RABL6: variants seen among roughly 807,000 people sequenced by gnomAD.
The protein encoded by RABL6 is rab-like protein 6.
A neutral mutation model predicts 72.9 loss-of-function variants in RABL6; 28 were observed. The observed-to-expected ratio is 0.38, with a 90% confidence interval of 0.28 to 0.53. The LOEUF (loss-of-function observed/expected upper bound fraction) is 0.53, where lower values mean the gene tolerates loss of function less well. RABL6 is among the 20% of genes least tolerant of loss of function. The pLI is 0.80. For synonymous variants in RABL6, 477 were observed against 421.2 expected (o/e 1.13, Z -1.62); for missense variants, 1,029 against 1,008.4 (o/e 1.02, Z -0.28).
chr9:136,828,402 T>G, intron 3 of RABL6, 92 bp from the exon 4 acceptor site: 1 of 1,316,500 alleles, frequency 7.6e-7, no homozygotes, highest in South Asian at 1.2e-5. Flanking sequence ...CCGCTGGAGC[T>G]GGGGGCTGAG....
intron 1 of RABL6, among the ~76,000 whole-genome samples, chr9:136,818,247 C>T (rs982291880): frequency 3.3e-5 from 5 of 150,254 alleles, no homozygotes; most frequent in Admixed American, 2.7e-4. Context: ...CCTGTAGTCC[C>T]AGCTACTTAG....
At chr9:136,835,622 C>G in intron 7 of RABL6, 120 bp from the exon 8 acceptor site, 1 of 828,236 alleles carries the variant, frequency 1.2e-6, no homozygotes, top group Non-Finnish European at 1.9e-6. Context: ...AGCAGCCAGC[C>G]CTGCAGCATC....
intron 3 of RABL6, 54 bp from the exon 4 acceptor site, chr9:136,828,440 A>G (rs767339479): frequency 6.3e-7 from 1 of 1,590,320 alleles, no homozygotes; most frequent in Non-Finnish European, 8.6e-7. Flanking sequence ...TGCTCCTCCT[A>G]TGGCCCAAGG....
At chr9:136,821,942 G>A in intron 1 of RABL6, 7 of 1,288,874 alleles carry the variant, frequency 5.4e-6, no homozygotes, top group Non-Finnish European at 7.1e-6. Flanking sequence ...TTTTGCCGCA[G>A]CGCTGGCCGG....
chr9:136,817,430 G>A (rs1416842086), intron 1 of RABL6, among the ~76,000 whole-genome samples: 8 of 152,164 alleles, frequency 5.3e-5, no homozygotes, highest in Admixed American at 4.6e-4. Flanking sequence ...AGAACAAAAA[G>A]ACTTCCCTGA....
chr9:136,831,436 G>A (rs774757023), intron 5 of RABL6, among the ~76,000 whole-genome samples: 1 of 152,186 alleles, frequency 6.6e-6, no homozygotes, highest in Non-Finnish European at 1.5e-5. Flanking sequence ...GCGGACATGG[G>A]GTGCTCTGAG....
At chr9:136,830,256 T>C (rs1040801482) in intron 5 of RABL6, among the ~76,000 whole-genome samples, 1 of 152,336 alleles carries the variant, frequency 6.6e-6, no homozygotes, top group South Asian at 2.1e-4. Flanking sequence ...GGGTTAAGCG[T>C]ACCGCCTGTC....
chr9:136,819,340 AAAAG>A (rs1263470548), intron 1 of RABL6, among the ~76,000 whole-genome samples: 92 of 151,714 alleles, frequency 6.1e-4, no homozygotes, highest in Non-Finnish European at 9.3e-4. Flanking sequence ...AAAAAAAAAA[AAAAG>A]AAAACCACCT....
chr9:136,811,174 G>A (rs1337865446), intron 1 of RABL6, among the ~76,000 whole-genome samples: 1 of 152,190 alleles, frequency 6.6e-6, no homozygotes, highest in Non-Finnish European at 1.5e-5. Flanking sequence ...TGACCCTGAG[G>A]ACATGTGCCC....
intron 8 of RABL6, chr9:136,836,978 A>G (rs1317142834): frequency 7.9e-6 from 3 of 380,448 alleles, no homozygotes; most frequent in African/African-American, 2.1e-5. Flanking sequence ...GGTTCACGCC[A>G]TTCTCCTGCC....
chr9:136,822,879 G>C (rs1010439374), intron 1 of RABL6, among the ~76,000 whole-genome samples: 3 of 152,306 alleles, frequency 2.0e-5, no homozygotes, highest in South Asian at 2.1e-4. Context: ...ACGAGGTCAG[G>C]AGATCGAGAC....
chr9:136,811,827 G>C (rs1049822414), intron 1 of RABL6, among the ~76,000 whole-genome samples: 1 of 152,064 alleles, frequency 6.6e-6, no homozygotes, highest in Admixed American at 6.5e-5. Flanking sequence ...AGTCAGTGTT[G>C]ATGTTAAATG....
chr9:136,834,569 C>A (rs746182269), intron 7 of RABL6: 26 of 745,892 alleles, frequency 3.5e-5, no homozygotes, highest in Non-Finnish European at 3.9e-5. Flanking sequence ...ACCTCTGCCT[C>A]CTGGGTTCAA....
At chr9:136,820,380 G>T (rs1237528996) in intron 1 of RABL6, among the ~76,000 whole-genome samples, 1 of 151,620 alleles carries the variant, frequency 6.6e-6, no homozygotes, top group Non-Finnish European at 1.5e-5. Context: ...AAATAATTTT[G>T]TTGTTTTTTT....
At chr9:136,840,099 A>G in intron 13 of RABL6, 55 bp from the exon 14 acceptor site, 1 of 1,610,898 alleles carries the variant, frequency 6.2e-7, no homozygotes, top group Admixed American at 1.7e-5. Context: ...CCTGTCACCC[A>G]GCTTGGGGTC....
chr9:136,833,867 G>A (rs1848533434), intron 7 of RABL6: 3 of 1,550,404 alleles, frequency 1.9e-6, no homozygotes, highest in Non-Finnish European at 2.6e-6. Context: ...GGCACTGCTG[G>A]GGAGGCCCCT....
In RABL6 at chr9:136,840,372, CAAG is replaced by C. The variant is rs1319719441; in HGVS notation, c.2041_2043del (p.Lys681del). On this transcript the variant is annotated inframe_deletion, in exon 15 of 15. Transcript: ENST00000311502. ...AGAGCAAACACAAGAAGAGCAAGGACAAGGAGGAGGGCAAGGAGGAGCGGCGAC... is the reference window on the plus strand; with the variant it reads ...AGAGCAAACACAAGAAGAGCAAGGACGAGGAGGGCAAGGAGGAGCGGCGAC... 22 of 1,555,894 alleles carry C rather than the reference CAAG, an allele frequency of 1.4e-5. No homozygotes were observed. The highest frequency in any genetic ancestry group is 1.7e-4 in the Middle Eastern group (1 of 6,014).
chr9:136,821,206 C>A, intron 1 of RABL6: 1 of 537,852 alleles, frequency 1.9e-6, no homozygotes. Flanking sequence ...GAAGTGGGTT[C>A]TGTCCCGTAG....
intron 6 of RABL6, 107 bp downstream of exon 6, chr9:136,831,968 C>T (rs1224324274): frequency 6.3e-6 from 9 of 1,431,258 alleles, no homozygotes; most frequent in African/African-American, 2.9e-5. Flanking sequence ...GCATGGGGCC[C>T]GGCGGATGTG....
Sources: allele counts gnomAD v4.1 joint callset (sites outside exome capture counted in the v4.1 genomes callset), GRCh38; gene constraint gnomAD v4.1.1; transcripts MANE v1.5; gene names NCBI Gene and HGNC (gene_info 2026-07-23, HGNC 2026-07-21).